SLX9: variants seen among roughly 807,000 people sequenced by gnomAD.
SLX9 encodes ribosome biogenesis protein SLX9 homolog.
SLX9 carries 19 observed loss-of-function variants against 20.8 expected under a neutral mutation model. The ratio of observed to expected loss-of-function variants is 0.91; its 90% CI spans 0.64 to 1.34. The LOEUF (loss-of-function observed/expected upper bound fraction) is 1.34. Among genes scored for constraint, SLX9 ranks in the 40% most tolerant of loss-of-function variants. The probability of loss-of-function intolerance (pLI) is 0.00; values close to 1 mark genes in which losing one functional copy is unlikely to be tolerated. For synonymous variants in SLX9, 113 were observed against 137.1 expected (o/e 0.82, Z 1.23); for missense variants, 299 against 322.2 (o/e 0.93, Z 0.55).
At chr21:44,939,716 T>C (rs1478805704), upstream of SLX9, 5 of 478,056 alleles carry the variant, frequency 1.0e-5, no homozygotes, top group South Asian at 7.7e-5. Flanking sequence ...AAATATAGAA[T>C]TTTAAAAAGG....
chr21:44,953,168 A>C (rs952525400), intron 2 of SLX9, among the ~76,000 whole-genome samples: 1 of 151,328 alleles, frequency 6.6e-6, no homozygotes, highest in South Asian at 2.1e-4. Context: ...CTCAGACACT[A>C]CTCCTCATGG....
intron 2 of SLX9, among the ~76,000 whole-genome samples, chr21:44,944,436 C>A (rs374350861): frequency 3.0e-4 from 46 of 152,274 alleles, no homozygotes; most frequent in African/African-American, 1.0e-3. Context: ...ACGCCGTCCC[C>A]CTGCACCTCC....
intron 3 of SLX9, among the ~76,000 whole-genome samples, chr21:44,963,084 TTTTC>T (rs1363318477): frequency 1.3e-5 from 2 of 151,488 alleles, no homozygotes; most frequent in South Asian, 2.1e-4. Flanking sequence ...TGCCTGTTCA[TTTTC>T]TTTCTTTTTT....
In SLX9 at chr21:44,949,466, G is replaced by A. The variant is rs372931476; in HGVS notation, c.283+5629G>A. Among the ~76,000 whole-genome samples, 11 of 152,106 alleles carry A rather than the reference G, an allele frequency of 7.2e-5. No individual in the cohort carries two copies. The East Asian group carries it at 1.2e-3, about 16-fold the overall frequency. On this transcript the variant is annotated intron_variant, in intron 2 of 5. Transcript: ENST00000291634. The stretch of plus-strand genomic sequence containing the variant: ...GGACACAGGGACCACACTGCTGTCC[G>A]GGTCCCCAAAGCGCGGCCCCAGCTC...
rs186038757 is a variant in SLX9 at position 44,963,484 on chromosome 21, T to G, written c.352+3316T>G. Among the ~76,000 whole-genome samples, 669 of 152,182 alleles carry G rather than the reference T, an allele frequency of 4.4e-3. 4 individuals carry two copies. The highest frequency in any genetic ancestry group is 6.4e-3 in the Non-Finnish European group (433 of 68,014). On this transcript the variant is annotated intron_variant, in intron 3 of 5. Transcript: ENST00000291634. ...GTGTGTGTCCTATTTAAGAAAACTT[T>G]GCCTAATCCCAAGTCATGAAGATAT...
rs1807781119 is a variant in SLX9 at position 44,975,723 on chromosome 21, G to A, written c.570-957G>A. On this transcript the variant is annotated intron_variant, in intron 5 of 5. Coordinates refer to ENST00000291634, the MANE Select transcript of SLX9 (RefSeq NM_058190.4). ...GGGCATTTCACCCTGACTTTACGGG[G>A]ACAGCCCCAGCTGCCATGCTGGGGC... Among the ~76,000 whole-genome samples the A allele has an allele frequency of 2.0e-5, 3 of 152,390 alleles. No homozygotes were observed. In the South Asian group the frequency reaches 6.2e-4, roughly 32 times the overall value.
chr21:44,940,187 G>A lies in SLX9; in HGVS notation c.129+1G>A, dbSNP rs554707788. The A allele has an allele frequency of 4.0e-5, 50 of 1,250,172 alleles. No homozygotes were observed. In the South Asian group the frequency reaches 1.6e-3, roughly 40 times the overall value. The allele number at this position is 1,250,172 out of a possible 1,614,324, so 77.4% of individuals were successfully genotyped here. A position where few individuals can be genotyped will look rare whatever the true frequency, so the allele number is the denominator to read the frequency against. ...TCCGCCGGCCTCGGCCGCGGGGAAG[G>A]TGAGCTGGGGAGGCGCTGGCCGGGG... On this transcript the variant is annotated splice_donor_variant, in intron 1 of 5. Transcript: ENST00000291634. LOFTEE classifies it high-confidence loss of function.
chr21:44,960,068 G>A (rs771825231), intron 2 of SLX9, 32 bp from the exon 3 acceptor site: 8 of 1,610,034 alleles, frequency 5.0e-6, no homozygotes, highest in East Asian at 2.2e-5. Flanking sequence ...ACCTGGACAC[G>A]TTTTGCTCAC....
At chr21:44,957,660 G>A (rs1029602694) in intron 2 of SLX9, among the ~76,000 whole-genome samples, 28 of 152,252 alleles carry the variant, frequency 1.8e-4, no homozygotes, top group Admixed American at 5.2e-4. Context: ...GGGTTCCACC[G>A]AGTGTGAGGG....
intron 4 of SLX9, among the ~76,000 whole-genome samples, chr21:44,970,067 C>A (rs2225435): frequency 0.041 from 6,223 of 150,298 alleles, 214 homozygotes; most frequent in East Asian, 0.15. Context: ...CCTGACTCAC[C>A]GTGAGGCTGA....
chr21:44,960,261 A>C, intron 3 of SLX9, 93 bp downstream of exon 3: 1 of 1,210,306 alleles, frequency 8.3e-7, no homozygotes, highest in Non-Finnish European at 1.2e-6. Context: ...GGCCTTCTAC[A>C]TCAGCCACAC....
At chr21:44,959,314 G>A in intron 2 of SLX9, 1 of 963,498 alleles carries the variant, frequency 1.0e-6, no homozygotes, top group Non-Finnish European at 1.2e-6. Flanking sequence ...AGCCGAGGCT[G>A]AACCGTCTCG....
chr21:44,967,228 C>T (rs753025285), intron 4 of SLX9, 47 bp downstream of exon 4: 13 of 1,529,558 alleles, frequency 8.5e-6, no homozygotes, highest in South Asian at 2.6e-5. Flanking sequence ...GGGGCTGACC[C>T]GGGTCCAGAG....
intron 1 of SLX9, among the ~76,000 whole-genome samples, chr21:44,942,097 A>G (rs2084560889): frequency 6.6e-6 from 1 of 152,128 alleles, no homozygotes; most frequent in Non-Finnish European, 1.5e-5. Flanking sequence ...TTTTTTTATT[A>G]AGCTCCAAAA....
chr21:44,973,033 C>CAG, intron 4 of SLX9, 164 bp from the exon 5 acceptor site: 1 of 754,370 alleles, frequency 1.3e-6, no homozygotes, highest in Non-Finnish European at 2.2e-6. Flanking sequence ...CCAGGTCTCG[C>CAG]CTCCATGGCC....
chr21:44,961,656 TTC>T (rs1218786614), intron 3 of SLX9, among the ~76,000 whole-genome samples: 4 of 152,266 alleles, frequency 2.6e-5, no homozygotes, highest in Non-Finnish European at 4.4e-5. Flanking sequence ...TTATTAAATA[TTC>T]TGTTTTCTTT....
chr21:44,953,950 G>A (rs1333496487), intron 2 of SLX9, among the ~76,000 whole-genome samples: 4 of 152,182 alleles, frequency 2.6e-5, no homozygotes, highest in African/African-American at 4.8e-5. Context: ...GTATGGGGAC[G>A]GCGGTGGTTC....
intron 2 of SLX9, among the ~76,000 whole-genome samples, chr21:44,949,590 A>G (rs2084715861): frequency 6.6e-6 from 1 of 152,150 alleles, no homozygotes; most frequent in Admixed American, 6.5e-5. Context: ...GACGCCGGGC[A>G]CAGGGCACCC....
At chr21:44,950,799 C>G (rs2084742635) in intron 2 of SLX9, among the ~76,000 whole-genome samples, 1 of 152,206 alleles carries the variant, frequency 6.6e-6, no homozygotes, top group African/African-American at 2.4e-5. Flanking sequence ...GCCTCCTGCA[C>G]CTCCTTGCCG....
Sources: allele counts gnomAD v4.1 joint callset (sites outside exome capture counted in the v4.1 genomes callset), GRCh38; gene constraint gnomAD v4.1.1; transcripts MANE v1.5; gene names NCBI Gene and HGNC (gene_info 2026-07-23, HGNC 2026-07-21).